Variants in GABRG3 observed in about 807,000 individuals in gnomAD.
GABRG3 encodes gamma-aminobutyric acid receptor subunit gamma-3.
A neutral mutation model predicts 48.8 loss-of-function variants in GABRG3; 25 were observed. That is an observed-to-expected ratio of 0.51 (90% CI 0.37 to 0.72). The LOEUF is 0.72. Among genes scored for constraint, GABRG3 ranks in the 30% least tolerant of loss-of-function variants. The pLI is 0.00. For missense variants in GABRG3, 394 were observed against 577.9 expected, an observed-to-expected ratio of 0.68 and a Z score of 3.26; for synonymous variants, 227 against 217.6, an observed-to-expected ratio of 1.04 and a Z score of -0.38.
intron 6 of GABRG3, among the ~76,000 whole-genome samples, chr15:27,510,415 C>T (rs904050032): frequency 6.6e-6 from 1 of 152,190 alleles, no homozygotes; most frequent in African/African-American, 2.4e-5. Flanking sequence ...TAGATTTCCA[C>T]CATTCCCCTG....
chr15:27,246,764 G>T (rs1164133101), intron 3 of GABRG3, among the ~76,000 whole-genome samples: 1 of 152,140 alleles, frequency 6.6e-6, no homozygotes, highest in Admixed American at 6.5e-5. Flanking sequence ...TTATCAAGCA[G>T]TAACTTGCGA....
intron 3 of GABRG3, among the ~76,000 whole-genome samples, chr15:27,237,481 G>T (rs1033975799): frequency 1.3e-5 from 2 of 152,206 alleles, no homozygotes; most frequent in African/African-American, 2.4e-5. Context: ...CCAGCAGCCG[G>T]CAGTCGCCAA....
intron 2 of GABRG3, among the ~76,000 whole-genome samples, chr15:27,004,830 GC>G (rs1895551747): frequency 6.6e-6 from 1 of 152,086 alleles, no homozygotes; most frequent in Admixed American, 6.5e-5. Context: ...AAAATAAACC[GC>G]CTTAAGATTC....
intron 5 of GABRG3, among the ~76,000 whole-genome samples, chr15:27,449,417 A>G (rs1400737439): frequency 1.3e-5 from 2 of 152,212 alleles, no homozygotes; most frequent in African/African-American, 2.4e-5. Context: ...AAGCCATTCT[A>G]TAAGGTTGTA....
chr15:27,481,031 A>G (rs1457115986), intron 6 of GABRG3: 4 of 1,310,542 alleles, frequency 3.1e-6, no homozygotes, highest in South Asian at 2.6e-5. Context: ...AAACCTAGCT[A>G]TAAACTTAAC....
chr15:26,997,941 C>T (rs928926613), intron 2 of GABRG3, among the ~76,000 whole-genome samples: 1 of 152,198 alleles, frequency 6.6e-6, no homozygotes, highest in Non-Finnish European at 1.5e-5. Context: ...GTCAGGGTAA[C>T]TTATTGTTCA....
chr15:27,336,925 G>T (rs1364057833), intron 5 of GABRG3, among the ~76,000 whole-genome samples: 2 of 152,112 alleles, frequency 1.3e-5, no homozygotes, highest in Non-Finnish European at 2.9e-5. Context: ...CACATATGTG[G>T]GATCCCATTT....
intron 5 of GABRG3, among the ~76,000 whole-genome samples, chr15:27,333,930 G>A (rs562415114): frequency 6.6e-6 from 1 of 152,254 alleles, no homozygotes; most frequent in South Asian, 2.1e-4. Flanking sequence ...TGGTCATTTA[G>A]TTCCTCATTC....
At chr15:27,207,422 A>T (rs1158507602) in intron 3 of GABRG3, among the ~76,000 whole-genome samples, 1 of 152,240 alleles carries the variant, frequency 6.6e-6, no homozygotes, top group Non-Finnish European at 1.5e-5. Flanking sequence ...CCTTCCAAAG[A>T]TTCACATTTT....
At chr15:27,024,671 T>C (rs1895953087) in intron 2 of GABRG3, among the ~76,000 whole-genome samples, 1 of 152,208 alleles carries the variant, frequency 6.6e-6, no homozygotes, top group Non-Finnish European at 1.5e-5. Flanking sequence ...AATCTCCTTC[T>C]TGGATTCTAC....
intron 5 of GABRG3, among the ~76,000 whole-genome samples, chr15:27,381,588 C>T (rs927507788): frequency 2.0e-5 from 3 of 152,228 alleles, no homozygotes; most frequent in South Asian, 2.1e-4. Context: ...TGTCATTCTC[C>T]GTATCCACCT....
intron 3 of GABRG3, among the ~76,000 whole-genome samples, chr15:27,218,812 G>C (rs544933156): frequency 1.3e-5 from 2 of 152,298 alleles, no homozygotes; most frequent in South Asian, 4.1e-4. Context: ...ACCGTGGCCA[G>C]GTCACCTTCC....
chr15:27,177,982 G>A (rs1026557214), intron 3 of GABRG3, among the ~76,000 whole-genome samples: 1 of 152,148 alleles, frequency 6.6e-6, no homozygotes, highest in African/African-American at 2.4e-5. Flanking sequence ...CAGGACTCTT[G>A]CCGGAAGCAG....
chr15:27,342,366 C>T (rs1349379207), intron 5 of GABRG3, among the ~76,000 whole-genome samples: 2 of 152,198 alleles, frequency 1.3e-5, no homozygotes, highest in Non-Finnish European at 2.9e-5. Context: ...CTCTTGTTGT[C>T]CAAGTGCAGG....
chr15:27,356,369 C>A (rs1403734811), intron 5 of GABRG3, among the ~76,000 whole-genome samples: 5 of 152,176 alleles, frequency 3.3e-5, no homozygotes, highest in African/African-American at 1.2e-4. Flanking sequence ...GCCTACATCT[C>A]CCGCTGGGCC....
chr15:27,400,853 C>G (rs939955229), intron 5 of GABRG3, among the ~76,000 whole-genome samples: 1 of 151,884 alleles, frequency 6.6e-6, no homozygotes, highest in Non-Finnish European at 1.5e-5. Flanking sequence ...GTCCTCTAAA[C>G]AACGAAGATG....
chr15:27,100,574 C>T (rs1283564293), intron 3 of GABRG3, among the ~76,000 whole-genome samples: 2 of 152,070 alleles, frequency 1.3e-5, no homozygotes, highest in Non-Finnish European at 2.9e-5. Flanking sequence ...ACGCAAAACT[C>T]CTCAACAAAT....
intron 3 of GABRG3, among the ~76,000 whole-genome samples, chr15:27,114,415 A>G (rs189536496): frequency 6.6e-6 from 1 of 152,262 alleles, no homozygotes; most frequent in East Asian, 1.9e-4. Context: ...TAACTTCATC[A>G]ATCTTATAGC....
At chr15:27,131,388 C>T (rs1000346291) in intron 3 of GABRG3, among the ~76,000 whole-genome samples, 1 of 151,970 alleles carries the variant, frequency 6.6e-6, no homozygotes, top group Non-Finnish European at 1.5e-5. Flanking sequence ...ACAAACCATA[C>T]TTTTTCATGC....
Sources: allele counts gnomAD v4.1 joint callset (sites outside exome capture counted in the v4.1 genomes callset), GRCh38; gene constraint gnomAD v4.1.1; transcripts MANE v1.5; gene names NCBI Gene and HGNC (gene_info 2026-07-23, HGNC 2026-07-21).